ZMAT4: variants seen among roughly 807,000 people sequenced by gnomAD.
ZMAT4 encodes zinc finger matrin-type protein 4.
A neutral mutation model predicts 28.7 loss-of-function variants in ZMAT4; 17 were observed. The observed-to-expected ratio is 0.59, with a 90% CI of 0.41 to 0.89. The LOEUF is 0.89. Among genes scored for constraint, ZMAT4 ranks in the 40% least tolerant of loss-of-function variants. ZMAT4 has a pLI of 0.00. For missense variants in ZMAT4, 240 were observed against 283.8 expected (o/e 0.85, Z 1.11); for synonymous variants, 117 against 109.2 (o/e 1.07, Z -0.44).
intron 5 of ZMAT4, among the ~76,000 whole-genome samples, chr8:40,625,442 A>G (rs1013679685): frequency 6.6e-6 from 1 of 152,146 alleles, no homozygotes; most frequent in African/African-American, 2.4e-5. Flanking sequence ...GGCCACAGTC[A>G]GGGAGAAGGT....
intron 3 of ZMAT4, among the ~76,000 whole-genome samples, chr8:40,763,750 T>C (rs1266007388): frequency 6.6e-6 from 1 of 152,164 alleles, no homozygotes; most frequent in Admixed American, 6.5e-5. Flanking sequence ...GACTCTAGGA[T>C]GTTTAGGGAC....
intron 2 of ZMAT4, among the ~76,000 whole-genome samples, chr8:40,794,374 G>C (rs1814493376): frequency 6.6e-6 from 1 of 152,128 alleles, no homozygotes; most frequent in African/African-American, 2.4e-5. Flanking sequence ...ATGTGTCTTG[G>C]TTCTGACTAC....
chr8:40,825,992 C>G (rs1469781806), intron 1 of ZMAT4, among the ~76,000 whole-genome samples: 1 of 152,208 alleles, frequency 6.6e-6, no homozygotes. Context: ...GGCACCGTGG[C>G]TCACGCCTGT....
intron 1 of ZMAT4, among the ~76,000 whole-genome samples, chr8:40,874,122 T>A (rs779296968): frequency 6.6e-6 from 1 of 152,200 alleles, no homozygotes; most frequent in Non-Finnish European, 1.5e-5. Context: ...CCCCAGACAC[T>A]ACTCCCTATA....
At chr8:40,666,424 T>C (rs1808416009) in intron 5 of ZMAT4, among the ~76,000 whole-genome samples, 2 of 152,144 alleles carry the variant, frequency 1.3e-5, no homozygotes, top group African/African-American at 2.4e-5. Context: ...CATTTATAAT[T>C]CTTTGTTAAT....
At chr8:40,600,894 G>A (rs1279727048) in intron 5 of ZMAT4, among the ~76,000 whole-genome samples, 1 of 152,110 alleles carries the variant, frequency 6.6e-6, no homozygotes, top group African/African-American at 2.4e-5. Flanking sequence ...CAGAAAATAA[G>A]CAACTTTTGT....
At chr8:40,636,299 G>A (rs1026925214) in intron 5 of ZMAT4, among the ~76,000 whole-genome samples, 2 of 152,190 alleles carry the variant, frequency 1.3e-5, no homozygotes, top group East Asian at 1.9e-4. Flanking sequence ...AACTGACTTC[G>A]CTGAGCAGTA....
chr8:40,551,817 A>G (rs955489168), intron 6 of ZMAT4, among the ~76,000 whole-genome samples: 5 of 152,164 alleles, frequency 3.3e-5, no homozygotes, highest in African/African-American at 1.2e-4. Flanking sequence ...TCAGAAATGA[A>G]AGTTGTGGCA....
intron 3 of ZMAT4, among the ~76,000 whole-genome samples, chr8:40,736,510 C>A (rs11785191): frequency 0.29 from 43,623 of 152,084 alleles, 7,000 homozygotes; most frequent in Middle Eastern, 0.46. Context: ...AGAAAAGTAC[C>A]ATATAAGCAC....
intron 6 of ZMAT4, among the ~76,000 whole-genome samples, chr8:40,559,328 T>G (rs1233977668): frequency 6.6e-6 from 1 of 152,178 alleles, no homozygotes; most frequent in African/African-American, 2.4e-5. Context: ...ACTTAAATGT[T>G]AAGTCTCCAC....
chr8:40,678,538 G>A (rs1035372398), intron 4 of ZMAT4, among the ~76,000 whole-genome samples: 5 of 152,172 alleles, frequency 3.3e-5, no homozygotes, highest in African/African-American at 9.7e-5. Context: ...GCTTTGTGGG[G>A]CCTTAACAAC....
chr8:40,681,426 A>T (rs530909611), intron 4 of ZMAT4, among the ~76,000 whole-genome samples: 1 of 152,312 alleles, frequency 6.6e-6, no homozygotes, highest in Non-Finnish European at 1.5e-5. Flanking sequence ...GTATTTCTTC[A>T]GCAAATATCA....
intron 1 of ZMAT4, among the ~76,000 whole-genome samples, chr8:40,883,338 T>A (rs1019532454): frequency 6.6e-6 from 1 of 152,204 alleles, no homozygotes; most frequent in Non-Finnish European, 1.5e-5. Flanking sequence ...CCTGTAGACA[T>A]GGAAATAGAA....
intron 1 of ZMAT4, among the ~76,000 whole-genome samples, chr8:40,866,930 A>G (rs547685613): frequency 2.0e-5 from 3 of 152,212 alleles, no homozygotes; most frequent in Non-Finnish European, 4.4e-5. Flanking sequence ...AGTGAGCTCA[A>G]TGGCTAGCCA....
At chr8:40,540,467 C>T (rs72636909) in intron 6 of ZMAT4, among the ~76,000 whole-genome samples, 5,429 of 152,258 alleles carry the variant, frequency 0.036, 137 homozygotes, top group South Asian at 0.092. Flanking sequence ...AAGAAGAGGA[C>T]AAACAAGCTC....
chr8:40,590,768 C>G (rs10504030), intron 5 of ZMAT4, among the ~76,000 whole-genome samples: 33,356 of 151,630 alleles, frequency 0.22, 4,369 homozygotes, highest in Non-Finnish European at 0.3. Context: ...CATATTGAAC[C>G]TGCTATCAAT....
At chr8:40,840,063 T>G (rs1816648188) in intron 1 of ZMAT4, among the ~76,000 whole-genome samples, 1 of 152,170 alleles carries the variant, frequency 6.6e-6, no homozygotes, top group Non-Finnish European at 1.5e-5. Context: ...CACATTAAAA[T>G]AAGTACTTGG....
At chr8:40,759,949 G>T (rs763410016) in intron 3 of ZMAT4, among the ~76,000 whole-genome samples, 35 of 152,010 alleles carry the variant, frequency 2.3e-4, no homozygotes, top group Non-Finnish European at 4.6e-4. Context: ...ATAATTAACT[G>T]AACTATCTGT....
intron 3 of ZMAT4, among the ~76,000 whole-genome samples, chr8:40,710,253 A>T (rs1044265473): frequency 6.6e-6 from 1 of 152,198 alleles, no homozygotes; most frequent in Non-Finnish European, 1.5e-5. Flanking sequence ...TCAGTTAATT[A>T]TACTGGTGCT....
Sources: gnomAD v4.1 joint callset for allele counts (sites outside exome capture counted in the v4.1 genomes callset) on GRCh38, gnomAD v4.1.1 for gene constraint, MANE v1.5 for transcripts, NCBI Gene and HGNC (gene_info 2026-07-23, HGNC 2026-07-21) for gene names.